Variants in LMO1 observed in about 807,000 individuals in gnomAD.
The protein encoded by LMO1 is rhombotin-1.
Under a neutral mutation model 18.0 loss-of-function variants are expected in LMO1, and 10 were observed. The ratio of observed to expected loss-of-function variants is 0.55; its 90% CI spans 0.34 to 0.94. The LOEUF is 0.94. Ranked by LOEUF, LMO1 falls within the 40% of genes least tolerant of loss-of-function variation. The probability of loss-of-function intolerance (pLI) is 0.02; values close to 1 mark genes in which losing one functional copy is unlikely to be tolerated. For synonymous variants in LMO1, 77 were observed against 77.9 expected (o/e 0.99, Z 0.06); for missense variants, 183 against 205.7 (o/e 0.89, Z 0.68).
intron 1 of LMO1, among the ~76,000 whole-genome samples, chr11:8,254,382 C>A (rs1047911125): frequency 1.3e-5 from 2 of 152,186 alleles, no homozygotes; most frequent in African/African-American, 4.8e-5. Flanking sequence ...TATTGCTTTT[C>A]AATCAGCTGG....
At chr11:8,236,377 T>C (rs1431434949) in intron 1 of LMO1, among the ~76,000 whole-genome samples, 1 of 151,636 alleles carries the variant, frequency 6.6e-6, no homozygotes, top group East Asian at 1.9e-4. Flanking sequence ...GGAGGAATTT[T>C]TTTTTTTTTC....
At chr11:8,261,610 C>T (rs752891454) in intron 1 of LMO1, among the ~76,000 whole-genome samples, 19 of 152,316 alleles carry the variant, frequency 1.2e-4, no homozygotes, top group Middle Eastern at 3.4e-3. Context: ...AAAGATGAAC[C>T]TTGCATGCTC....
intron 2 of LMO1, among the ~76,000 whole-genome samples, chr11:8,229,738 T>C (rs1182770850): frequency 6.6e-6 from 1 of 152,206 alleles, no homozygotes; most frequent in Non-Finnish European, 1.5e-5. Flanking sequence ...TCACAGCTAG[T>C]TCCAACCCAG....
At chr11:8,225,265 T>C (rs531032498) in intron 3 of LMO1, among the ~76,000 whole-genome samples, 2 of 151,182 alleles carry the variant, frequency 1.3e-5, no homozygotes, top group Non-Finnish European at 3.0e-5. Context: ...TACAAAAAAA[T>C]TTAGCTGGTG....
chr11:8,263,292 G>A (rs1395363478), intron 1 of LMO1, 46 bp downstream of exon 1: 2 of 1,575,900 alleles, frequency 1.3e-6, no homozygotes, highest in Admixed American at 1.7e-5. Flanking sequence ...CGCCGCGGCA[G>A]GGGGCGAGGG....
At chr11:8,257,700 T>C (rs1319703268) in intron 1 of LMO1, among the ~76,000 whole-genome samples, 1 of 152,214 alleles carries the variant, frequency 6.6e-6, no homozygotes, top group Non-Finnish European at 1.5e-5. Context: ...CAAAGAGTGG[T>C]CCTAGAGACC....
At chr11:8,236,640 C>T (rs180684503) in intron 1 of LMO1, among the ~76,000 whole-genome samples, 43 of 152,180 alleles carry the variant, frequency 2.8e-4, no homozygotes, top group African/African-American at 1.0e-3. Flanking sequence ...TGCAGACACT[C>T]GCCACACAGC....
intron 1 of LMO1, among the ~76,000 whole-genome samples, chr11:8,235,709 A>G (rs1357086248): frequency 6.6e-6 from 1 of 152,158 alleles, no homozygotes; most frequent in Non-Finnish European, 1.5e-5. Flanking sequence ...AATATCTCTC[A>G]ATGTGGGTTT....
At chr11:8,247,092 C>G (rs901057371) in intron 1 of LMO1, among the ~76,000 whole-genome samples, 1 of 152,232 alleles carries the variant, frequency 6.6e-6, no homozygotes, top group Non-Finnish European at 1.5e-5. Context: ...TCCCAGGTCT[C>G]TCTTTGTTGA....
intron 2 of LMO1, among the ~76,000 whole-genome samples, chr11:8,229,362 C>A (rs1025643478): frequency 5.9e-5 from 9 of 152,184 alleles, no homozygotes; most frequent in African/African-American, 2.2e-4. Flanking sequence ...CCACTGATAA[C>A]CTCCCCCTTG....
intron 2 of LMO1, among the ~76,000 whole-genome samples, chr11:8,228,561 T>G (rs111648594): frequency 2.0e-5 from 3 of 151,676 alleles, no homozygotes; most frequent in African/African-American, 7.3e-5. Context: ...GGACAGCCAT[T>G]CTCCAGGCCT....
At chr11:8,266,583 T>A (rs550819176), upstream of LMO1, among the ~76,000 whole-genome samples, 1 of 152,278 alleles carries the variant, frequency 6.6e-6, no homozygotes, top group African/African-American at 2.4e-5. Flanking sequence ...CAACTATCAA[T>A]CCCCAAGGTT....
intron 1 of LMO1, among the ~76,000 whole-genome samples, chr11:8,258,939 T>C (rs1847141973): frequency 6.6e-6 from 1 of 152,144 alleles, no homozygotes; most frequent in Admixed American, 6.5e-5. Context: ...GTCCTAATGC[T>C]CCTGAAAGGC....
chr11:8,256,219 G>GT lies in LMO1; in HGVS notation c.25+7118dup, dbSNP rs527801448. 2.6e-5 allele frequency among the ~76,000 whole-genome samples: 4 copies of GT among 152,370 alleles called. No individual in the cohort carries two copies. In the East Asian group the frequency reaches 7.7e-4, roughly 29 times the overall value. On this transcript the variant is annotated intron_variant, in intron 1 of 3. Transcript: ENST00000335790. ...GAGGCCAAAGCCAAAAGATGATACT[G>GT]TAACTGTACAGAGAGCAATGTCAAT...
chr11:8,240,660 C>G (rs576295330), intron 1 of LMO1, among the ~76,000 whole-genome samples: 45 of 152,214 alleles, frequency 3.0e-4, no homozygotes, highest in Admixed American at 1.8e-3. Context: ...CAAGGGAGTT[C>G]TCTGTGGTCC....
intron 1 of LMO1, among the ~76,000 whole-genome samples, chr11:8,240,247 G>A (rs946888412): frequency 2.0e-5 from 3 of 152,232 alleles, no homozygotes; most frequent in Admixed American, 1.3e-4. Context: ...CATTTCCTGT[G>A]GAGGAGTACA....
intron 2 of LMO1, among the ~76,000 whole-genome samples, chr11:8,228,652 CAAAA>C (rs34483450): frequency 6.6e-5 from 9 of 135,772 alleles, no homozygotes; most frequent in Non-Finnish European, 4.8e-5. Flanking sequence ...TCTGCCAGAG[CAAAA>C]AAAAAAAAAA....
intron 1 of LMO1, among the ~76,000 whole-genome samples, chr11:8,259,181 G>A (rs545428438): frequency 2.6e-5 from 4 of 152,332 alleles, no homozygotes; most frequent in Non-Finnish European, 1.5e-5. Context: ...GTACATTAGC[G>A]AGACATGGAT....
At chr11:8,226,438 G>T (rs1426732352) in intron 3 of LMO1, among the ~76,000 whole-genome samples, 1 of 152,146 alleles carries the variant, frequency 6.6e-6, no homozygotes, top group Non-Finnish European at 1.5e-5. Flanking sequence ...ACTTGAACCC[G>T]GGAGGCAGAG....
Sources: allele counts gnomAD v4.1 joint callset (sites outside exome capture counted in the v4.1 genomes callset), GRCh38; gene constraint gnomAD v4.1.1; transcripts MANE v1.5; gene names NCBI Gene and HGNC (gene_info 2026-07-23, HGNC 2026-07-21).